PRDM11: variants seen among roughly 807,000 people sequenced by gnomAD.
PRDM11 encodes PR domain-containing protein 11.
In PRDM11, 20 loss-of-function variants were observed where a neutral mutation model predicts 97.8. That is an observed-to-expected ratio of 0.20 (90% CI 0.14 to 0.30). The LOEUF (loss-of-function observed/expected upper bound fraction) is 0.30. Ranked by LOEUF, PRDM11 falls within the 10% of genes least tolerant of loss-of-function variation. The pLI, the probability that PRDM11 is intolerant of heterozygous loss-of-function variation, is 1.00. For missense variants in PRDM11, 1,139 were observed against 1,555.2 expected, an observed-to-expected ratio of 0.73 and a Z score of 4.50; for synonymous variants, 599 against 637.7, an observed-to-expected ratio of 0.94 and a Z score of 0.91.
In PRDM11 at chr11:45,127,681, C is replaced by T. The variant is rs576483634; in HGVS notation, c.96+31780C>T. On this transcript the variant is annotated intron_variant, in intron 1 of 6. Transcript: ENST00000530656. ...TGTAGAACAGCGGGTTTTCATGAAC[C>T]GCAAATGCTGCTGCCTGATCATTCC... Among the ~76,000 whole-genome samples the T allele has an allele frequency of 3.1e-3, 472 of 152,290 alleles. 2 individuals carry two copies. The highest frequency in any genetic ancestry group is 0.011 in the African/African-American group (451 of 41,572).
intron 1 of PRDM11, among the ~76,000 whole-genome samples, chr11:45,108,126 C>T (rs1025805009): frequency 2.6e-5 from 4 of 152,198 alleles, no homozygotes; most frequent in African/African-American, 9.7e-5. Context: ...CTGCACCCCG[C>T]CCTGGATTCA....
chr11:45,107,352 G>A (rs1852079979), intron 1 of PRDM11, among the ~76,000 whole-genome samples: 1 of 152,198 alleles, frequency 6.6e-6, no homozygotes, highest in Admixed American at 6.5e-5. Flanking sequence ...AGTTCAATGA[G>A]TCATAGCCCA....
At chr11:45,184,585 G>A (rs1852635265) in intron 4 of PRDM11, among the ~76,000 whole-genome samples, 1 of 152,152 alleles carries the variant, frequency 6.6e-6, no homozygotes, top group African/African-American at 2.4e-5. Context: ...AAGGAAGGGA[G>A]CAGGAGGTAT....
chr11:45,123,421 G>T (rs948575739), intron 1 of PRDM11, among the ~76,000 whole-genome samples: 4 of 150,296 alleles, frequency 2.7e-5, no homozygotes, highest in African/African-American at 4.9e-5. Flanking sequence ...CCTTGCCCAT[G>T]CCTATGTCCT....
In PRDM11 at chr11:45,176,326, G is replaced by A. The variant is rs139356400; in HGVS notation, c.-6-5435G>A. On this transcript the variant is annotated intron_variant, in intron 1 of 7. Transcript: ENST00000683152. The stretch of plus-strand genomic sequence containing the variant: ...CAGGAGGCAGAAGTTGCAATGAGCC[G>A]AGATCGTGCCATTGTACTCCAGCCT... Among the ~76,000 whole-genome samples, 121 of 152,218 alleles carry A rather than the reference G, an allele frequency of 7.9e-4. 2 individuals carry two copies. The East Asian group carries it at 0.019, about 24-fold the overall frequency.
At chr11:45,180,684 G>A (rs1230369360) in intron 1 of PRDM11, among the ~76,000 whole-genome samples, 2 of 150,020 alleles carry the variant, frequency 1.3e-5, no homozygotes, top group African/African-American at 4.9e-5. Context: ...GGGGGCGGGC[G>A]CTGGGCAGGG....
At chr11:45,120,582 A>C (rs1459876282) in intron 1 of PRDM11, among the ~76,000 whole-genome samples, 2 of 152,162 alleles carry the variant, frequency 1.3e-5, no homozygotes, top group Non-Finnish European at 2.9e-5. Flanking sequence ...AGAATTCTAT[A>C]TCCACTAAAA....
At chr11:45,117,683 G>C (rs1325545099) in intron 1 of PRDM11, among the ~76,000 whole-genome samples, 1 of 152,110 alleles carries the variant, frequency 6.6e-6, no homozygotes, top group African/African-American at 2.4e-5. Flanking sequence ...GGAGTCTAAG[G>C]CTTCAGTGAT....
intron 5 of PRDM11, among the ~76,000 whole-genome samples, chr11:45,208,310 C>A (rs1035617706): frequency 6.6e-6 from 1 of 152,182 alleles, no homozygotes; most frequent in Non-Finnish European, 1.5e-5. Flanking sequence ...TGGCCACACC[C>A]TAATCATGGC....
rs1854273776 is a variant in PRDM11 at position 45,226,329 on chromosome 11, G to A, written c.1704G>A (p.Lys568=). 3 of 1,533,996 alleles carry A rather than the reference G, an allele frequency of 2.0e-6. No homozygotes were observed. Among genetic ancestry groups the A allele is most frequent in the Non-Finnish European group, 2.6e-6 (3 of 1,146,748 alleles). The change falls in exon 8 of 8, where the codon AAG becomes AAA. Residue 568 remains lysine, a synonymous_variant. Transcript: ENST00000683152. The stretch of plus-strand genomic sequence containing the variant: ...ACAGCCAGAGCAACCTGCACAAGAA[G>A]TGCCTGCAACTGTACAAGCTCCGCA... ...KLHSQSNLHK[K]CLQLYKLRMH...
chr11:45,096,376 C>G (rs764496218), intron 1 of PRDM11, among the ~76,000 whole-genome samples: 6 of 152,214 alleles, frequency 3.9e-5, no homozygotes, highest in Non-Finnish European at 5.9e-5. Flanking sequence ...CCATTTCATT[C>G]ACACGTCTTA....
At chr11:45,136,583 A>G (rs946960438) in intron 1 of PRDM11, among the ~76,000 whole-genome samples, 1 of 152,208 alleles carries the variant, frequency 6.6e-6, no homozygotes, top group African/African-American at 2.4e-5. Flanking sequence ...TTTGCCCACA[A>G]GGAATCACAG....
At chr11:45,136,368 T>C (rs1852843840) in intron 1 of PRDM11, among the ~76,000 whole-genome samples, 1 of 152,124 alleles carries the variant, frequency 6.6e-6, no homozygotes, top group South Asian at 2.1e-4. Flanking sequence ...GTCCATCTCC[T>C]TCTCCTCTTG....
intron 1 of PRDM11, among the ~76,000 whole-genome samples, chr11:45,170,403 T>C (rs1334437629): frequency 6.6e-6 from 1 of 151,278 alleles, no homozygotes; most frequent in Non-Finnish European, 1.5e-5. Flanking sequence ...GGAGTTGCAA[T>C]ATTATATAGG....
upstream of PRDM11, among the ~76,000 whole-genome samples, chr11:45,145,416 C>T (rs1032237922): frequency 3.3e-5 from 5 of 151,424 alleles, no homozygotes; most frequent in Non-Finnish European, 7.4e-5. Flanking sequence ...TGACCATGAA[C>T]GCCCATCTGA....
intron 6 of PRDM11, among the ~76,000 whole-genome samples, chr11:45,220,343 A>G (rs1002262764): frequency 6.6e-6 from 1 of 152,222 alleles, no homozygotes; most frequent in Non-Finnish European, 1.5e-5. Context: ...CCATGTAATT[A>G]TCATAGCAGC....
intron 1 of PRDM11, 135 bp downstream of exon 1, chr11:45,147,012 C>CGGCGCG (rs924693243): frequency 1.0e-4 from 14 of 139,706 alleles, no homozygotes; most frequent in East Asian, 8.5e-4. Context: ...CCGGGGGTCT[C>CGGCGCG]GGCGCGGGCG....
At chr11:45,146,900 T>C (rs1002575270) in intron 1 of PRDM11, 23 bp downstream of exon 1, 8 of 145,486 alleles carry the variant, frequency 5.5e-5, no homozygotes, top group Non-Finnish European at 1.2e-4. Flanking sequence ...CGGTAGCCAA[T>C]GTGGCCATTG....
intron 1 of PRDM11, among the ~76,000 whole-genome samples, chr11:45,181,293 G>C (rs1314417741): frequency 1.3e-5 from 2 of 152,318 alleles, no homozygotes; most frequent in Admixed American, 1.3e-4. Context: ...GCCTGGCTGC[G>C]CTCCCGGCAG....
Sources: allele counts gnomAD v4.1 joint callset (sites outside exome capture counted in the v4.1 genomes callset), GRCh38; gene constraint gnomAD v4.1.1; transcripts MANE v1.5; gene names NCBI Gene and HGNC (gene_info 2026-07-23, HGNC 2026-07-21).